The following GRIN2B variants were observed in gnomAD, a reference collection of about 807,000 sequenced individuals.
The protein encoded by GRIN2B is glutamate receptor ionotropic, NMDA 2B.
Under a neutral mutation model 114.5 loss-of-function variants are expected in GRIN2B, and 5 were observed. The ratio of observed to expected loss-of-function variants is 0.04; its 90% CI spans 0.02 to 0.09. GRIN2B has a LOEUF of 0.09. Ranked by LOEUF, GRIN2B falls within the 10% of genes least tolerant of loss-of-function variation. The pLI, the probability that GRIN2B is intolerant of heterozygous loss-of-function variation, is 1.00. For missense variants in GRIN2B, 1,108 were observed against 1,943.5 expected (o/e 0.57, Z 8.08); for synonymous variants, 787 against 745.1 (o/e 1.06, Z -0.92).
intron 2 of GRIN2B, among the ~76,000 whole-genome samples, chr12:13,927,470 G>A (rs1319279535): frequency 6.6e-6 from 1 of 152,100 alleles, no homozygotes; most frequent in African/African-American, 2.4e-5. Flanking sequence ...TAGTGCAAAA[G>A]CAGCCATAGA....
In GRIN2B at chr12:13,899,515, G is replaced by A. The variant is rs1204433255; in HGVS notation, c.-18-33289C>T. On this transcript the variant is annotated intron_variant, in intron 2 of 13. Coordinates refer to ENST00000609686, the MANE Select transcript of GRIN2B (RefSeq NM_000834.5). ...GTCCAGAGGGGTGTTGTCTCCTCTT[G>A]GCCCAGGCATTTTTGTTAGGCACAC... 1.4e-5 allele frequency among the ~76,000 whole-genome samples: 2 copies of A among 143,478 alleles called. 1 individual carries two copies. The highest frequency in any genetic ancestry group is 3.2e-5 in the Non-Finnish European group (2 of 62,374). The allele number at this position is 143,478 out of a possible 152,430, so 94.1% of individuals were successfully genotyped here.
chr12:13,806,513 G>C (rs530959132), intron 3 of GRIN2B, among the ~76,000 whole-genome samples: 1 of 152,142 alleles, frequency 6.6e-6, no homozygotes, highest in East Asian at 1.9e-4. Context: ...TTGGCTTTTT[G>C]TATGTCTTCC....
rs1169474024 is a variant in GRIN2B, at chr12:13,763,502, T to A, written c.412-9587A>T. Reference sequence around the variant, plus strand: ...GACGGTCCATGAGAAGCTGCCTAAATCCTTGATGCTGGGCTTCCTGTACCT... The same window carrying A: ...GACGGTCCATGAGAAGCTGCCTAAAACCTTGATGCTGGGCTTCCTGTACCT... On this transcript the variant is annotated intron_variant, in intron 3 of 13. Coordinates refer to ENST00000609686, the MANE Select transcript of GRIN2B (RefSeq NM_000834.5). Among the ~76,000 whole-genome samples the A allele has an allele frequency of 2.0e-5, 3 of 152,194 alleles. No homozygotes were observed. In the East Asian group the frequency reaches 5.8e-4, roughly 29 times the overall value.
chr12:13,868,630 C>T (rs371283508), intron 2 of GRIN2B, among the ~76,000 whole-genome samples: 3 of 152,272 alleles, frequency 2.0e-5, no homozygotes, highest in East Asian at 1.9e-4. Flanking sequence ...CCCACTCTGC[C>T]GTGACAGTTT....
chr12:13,749,324 G>C (rs1372567845), intron 4 of GRIN2B, among the ~76,000 whole-genome samples: 1 of 152,326 alleles, frequency 6.6e-6, no homozygotes, highest in African/African-American at 2.4e-5. Flanking sequence ...CTGTAATCTG[G>C]ATAGGTGTGC....
intron 4 of GRIN2B, among the ~76,000 whole-genome samples, chr12:13,750,775 C>T (rs1863470752): frequency 6.6e-6 from 1 of 152,138 alleles, no homozygotes. Context: ...CATTCACTTC[C>T]GTGTGCCATG....
At chr12:13,575,147 T>G (rs1361691494) in intron 10 of GRIN2B, among the ~76,000 whole-genome samples, 1 of 152,204 alleles carries the variant, frequency 6.6e-6, no homozygotes, top group African/African-American at 2.4e-5. Flanking sequence ...AGACAGAGAT[T>G]TCTTAGCTAC....
At chr12:13,758,823 T>A (rs1215219178) in intron 3 of GRIN2B, among the ~76,000 whole-genome samples, 1 of 152,152 alleles carries the variant, frequency 6.6e-6, no homozygotes, top group African/African-American at 2.4e-5. Context: ...ACATGCATAC[T>A]TGCCTTATCT....
intron 4 of GRIN2B, among the ~76,000 whole-genome samples, chr12:13,751,228 A>T (rs1863479159): frequency 1.3e-5 from 2 of 152,236 alleles, no homozygotes; most frequent in South Asian, 4.1e-4. Context: ...GGCAGGGCCC[A>T]TGAGGCTGAA....
At chr12:13,865,018 A>G (rs1865804917) in intron 3 of GRIN2B, among the ~76,000 whole-genome samples, 1 of 152,214 alleles carries the variant, frequency 6.6e-6, no homozygotes, top group Non-Finnish European at 1.5e-5. Context: ...GGATGTGCAG[A>G]TCAATATGTG....
At chr12:13,691,244 G>A (rs186502678) in intron 4 of GRIN2B, among the ~76,000 whole-genome samples, 12 of 152,248 alleles carry the variant, frequency 7.9e-5, no homozygotes, top group Non-Finnish European at 1.3e-4. Flanking sequence ...CAGGATGTCA[G>A]TATCTTCAGA....
chr12:13,849,909 G>A (rs952372396), intron 3 of GRIN2B, among the ~76,000 whole-genome samples: 25 of 152,080 alleles, frequency 1.6e-4, no homozygotes, highest in African/African-American at 4.6e-4. Flanking sequence ...GCCTGAGCCC[G>A]CCTAGATATC....
intron 10 of GRIN2B, among the ~76,000 whole-genome samples, chr12:13,593,746 C>G (rs1031910476): frequency 6.6e-6 from 1 of 152,154 alleles, no homozygotes; most frequent in Non-Finnish European, 1.5e-5. Context: ...GAACTGGCAA[C>G]CTACAGAATG....
chr12:13,802,969 T>C (rs982590015), intron 3 of GRIN2B, among the ~76,000 whole-genome samples: 4 of 144,346 alleles, frequency 2.8e-5, no homozygotes, highest in Non-Finnish European at 6.0e-5. Flanking sequence ...CTGCCACTCC[T>C]GAAACAGCAA....
intron 3 of GRIN2B, among the ~76,000 whole-genome samples, chr12:13,839,234 T>G (rs1865336358): frequency 6.6e-6 from 1 of 152,196 alleles, no homozygotes; most frequent in African/African-American, 2.4e-5. Flanking sequence ...CTAAAATTAA[T>G]TATATGGCAT....
rs1018130244 is a variant in GRIN2B at position 13,739,450 on chromosome 12, A to G, written c.1010+13867T>C. 2.0e-5 allele frequency among the ~76,000 whole-genome samples: 3 copies of G among 149,596 alleles called. No individual in the cohort carries two copies. In the East Asian group the frequency reaches 6.0e-4, roughly 30 times the overall value. ...AACTTCTGATGATCCTAACCAACCT[A>G]TTTTACTGGGATTACTTTATTCAAC... On this transcript the variant is annotated intron_variant, in intron 4 of 13. Transcript: ENST00000609686.
chr12:13,872,918 T>G (rs184128135), intron 2 of GRIN2B, among the ~76,000 whole-genome samples: 110 of 152,298 alleles, frequency 7.2e-4, no homozygotes, highest in Non-Finnish European at 8.7e-4. Context: ...CATAGTATTT[T>G]AAGTTCTATT....
intron 3 of GRIN2B, among the ~76,000 whole-genome samples, chr12:13,839,479 A>C (rs1284997389): frequency 6.6e-6 from 1 of 152,260 alleles, no homozygotes; most frequent in Non-Finnish European, 1.5e-5. Context: ...AGCTCCCTCT[A>C]GCCAGAATAT....
rs1036416617 is a variant in GRIN2B, at chr12:13,784,009, T to G, written c.412-30094A>C. Among the ~76,000 whole-genome samples, 5 of 151,838 alleles carry G rather than the reference T, an allele frequency of 3.3e-5. No individual in the cohort carries two copies. The East Asian group carries it at 5.9e-4, about 18-fold the overall frequency. On this transcript the variant is annotated intron_variant, in intron 3 of 13. Coordinates refer to ENST00000609686, the MANE Select transcript of GRIN2B (RefSeq NM_000834.5). Reference sequence around the variant, plus strand: ...GAGGCCAAGGCGGGTGGATCACGAGTTCAGGAGATCGAGACCATCCTGACT... The same window carrying G: ...GAGGCCAAGGCGGGTGGATCACGAGGTCAGGAGATCGAGACCATCCTGACT...
Sources: gnomAD v4.1 joint callset for allele counts (sites outside exome capture counted in the v4.1 genomes callset) on GRCh38, gnomAD v4.1.1 for gene constraint, MANE v1.5 for transcripts, NCBI Gene and HGNC (gene_info 2026-07-23, HGNC 2026-07-21) for gene names.